The following SLCO1A2 variants were observed in gnomAD, a reference collection of about 807,000 sequenced individuals.
SLCO1A2 encodes the protein solute carrier organic anion transporter family member 1A2.
In SLCO1A2, 67 loss-of-function variants were observed where a neutral mutation model predicts 69.0. That is an observed-to-expected ratio of 0.97 (90% CI 0.80 to 1.19). The LOEUF (loss-of-function observed/expected upper bound fraction) is 1.19, where lower values mean the gene tolerates loss of function less well. Among genes scored for constraint, SLCO1A2 ranks in the 50% most tolerant of loss-of-function variants. The probability of loss-of-function intolerance (pLI) is 0.00; values close to 1 mark genes in which losing one functional copy is unlikely to be tolerated. For missense variants in SLCO1A2, 787 were observed against 793.7 expected (o/e 0.99, Z 0.10); for synonymous variants, 260 against 265.9 (o/e 0.98, Z 0.22).
intron 14 of SLCO1A2, among the ~76,000 whole-genome samples, chr12:21,273,584 A>ACTAT (rs1438227284): frequency 3.3e-5 from 5 of 152,282 alleles, no homozygotes; most frequent in African/African-American, 1.2e-4. Flanking sequence ...AATTCAGGAG[A>ACTAT]CTATCAACAA....
chr12:21,277,062 G>A (rs749756749), intron 12 of SLCO1A2, among the ~76,000 whole-genome samples: 30 of 152,318 alleles, frequency 2.0e-4, no homozygotes, highest in Non-Finnish European at 3.7e-4. Context: ...ACCAGCCAGG[G>A]AAGCTAAGGA....
chr12:21,366,836 A>G (rs1400766430), intron 2 of SLCO1A2, among the ~76,000 whole-genome samples: 1 of 152,040 alleles, frequency 6.6e-6, no homozygotes, highest in Non-Finnish European at 1.5e-5. Flanking sequence ...TAGAAGTTAA[A>G]TAATTAAAGA....
At chr12:21,316,825 A>G (rs867302627) in intron 3 of SLCO1A2, among the ~76,000 whole-genome samples, 24 of 152,312 alleles carry the variant, frequency 1.6e-4, no homozygotes, top group South Asian at 1.0e-3. Context: ...ATAGTTCCCC[A>G]GTGCTTCAGA....
At chr12:21,360,593 C>T (rs1938765403) in intron 2 of SLCO1A2, among the ~76,000 whole-genome samples, 1 of 152,222 alleles carries the variant, frequency 6.6e-6, no homozygotes, top group South Asian at 2.1e-4. Context: ...CAGGGCATTG[C>T]CTCACCCAGG....
At chr12:21,417,684 C>G (rs1388101173) in intron 1 of SLCO1A2, among the ~76,000 whole-genome samples, 2 of 151,906 alleles carry the variant, frequency 1.3e-5, no homozygotes, top group Non-Finnish European at 2.9e-5. Flanking sequence ...CTATATGGAA[C>G]TAATAGACTC....
Position 21,288,547 on chromosome 12 carries a change from A to G in SLCO1A2, c.1610+3617T>C, listed in dbSNP as rs1946333299. 2.0e-5 allele frequency among the ~76,000 whole-genome samples: 3 copies of G among 152,188 alleles called. No individual in the cohort carries two copies. The South Asian group carries it at 6.2e-4, about 31-fold the overall frequency. On this transcript the variant is annotated intron_variant, in intron 12 of 14. Coordinates refer to ENST00000683939, the MANE Select transcript of SLCO1A2 (RefSeq NM_001386879.1). Reference sequence around the variant, plus strand: ...GCCTGGGTGTGGTGGGGAAGTAGAGATAGTTAATAGGTACGAAAAAATGGA... The same window carrying G: ...GCCTGGGTGTGGTGGGGAAGTAGAGGTAGTTAATAGGTACGAAAAAATGGA...
At chr12:21,342,226 T>A (rs1166810238) in intron 2 of SLCO1A2, among the ~76,000 whole-genome samples, 1 of 152,038 alleles carries the variant, frequency 6.6e-6, no homozygotes, top group African/African-American at 2.4e-5. Flanking sequence ...ATCAGTAAAT[T>A]TCATTCACCT....
intron 9 of SLCO1A2, among the ~76,000 whole-genome samples, 166 bp downstream of exon 9, chr12:21,297,230 CTTCTTTCT>C (rs1020608652): frequency 3.3e-5 from 4 of 122,340 alleles, no homozygotes; most frequent in African/African-American, 1.6e-4. Flanking sequence ...TCTTTCCTTC[CTTCTTTCT>C]TTCTTTCTTT....
intron 1 of SLCO1A2, among the ~76,000 whole-genome samples, chr12:21,409,994 GA>G (rs1941881668): frequency 6.6e-6 from 1 of 152,150 alleles, no homozygotes; most frequent in Non-Finnish European, 1.5e-5. Context: ...TTCATTTGGA[GA>G]ATATTTTATT....
chr12:21,378,388 G>A, intron 1 of SLCO1A2: 2 of 1,614,126 alleles, frequency 1.2e-6, no homozygotes, highest in Non-Finnish European at 1.7e-6. Flanking sequence ...TGCAGTAGAG[G>A]TTTTAAAGAG....
intron 5 of SLCO1A2, among the ~76,000 whole-genome samples, chr12:21,306,538 G>C (rs1018536978): frequency 2.6e-5 from 4 of 152,068 alleles, no homozygotes; most frequent in Non-Finnish European, 5.9e-5. Flanking sequence ...TGTTGGCCAG[G>C]CTGGTCTCGA....
intron 1 of SLCO1A2, among the ~76,000 whole-genome samples, chr12:21,404,548 C>T (rs1941791212): frequency 6.6e-6 from 1 of 152,136 alleles, no homozygotes; most frequent in Admixed American, 6.6e-5. Flanking sequence ...CATCCATGTC[C>T]CTGCAAAGGA....
intron 1 of SLCO1A2, among the ~76,000 whole-genome samples, chr12:21,413,504 A>C (rs1941945096): frequency 1.3e-5 from 2 of 151,848 alleles, no homozygotes; most frequent in South Asian, 4.2e-4. Context: ...GGCCTCCCAA[A>C]GCGTGGCAGT....
At chr12:21,320,659 C>T (rs11045968) in intron 2 of SLCO1A2, among the ~76,000 whole-genome samples, 10,997 of 151,922 alleles carry the variant, frequency 0.072, 690 homozygotes, top group East Asian at 0.35. Flanking sequence ...CCACCATGAC[C>T]GGTTAGCTTT....
At chr12:21,327,092 T>C (rs1047085401) in intron 2 of SLCO1A2, among the ~76,000 whole-genome samples, 6 of 152,114 alleles carry the variant, frequency 3.9e-5, no homozygotes, top group Admixed American at 1.3e-4. Context: ...GACTTGGTGC[T>C]CTGGGTCCCA....
intron 1 of SLCO1A2, among the ~76,000 whole-genome samples, chr12:21,408,713 CG>C (rs1941861906): frequency 6.7e-6 from 1 of 150,178 alleles, no homozygotes; most frequent in Admixed American, 6.6e-5. Context: ...TCAGCGCATG[CG>C]TGTGTGTGTG....
chr12:21,272,088 T>C (rs1185530949), intron 14 of SLCO1A2, among the ~76,000 whole-genome samples: 1 of 151,572 alleles, frequency 6.6e-6, no homozygotes, highest in Non-Finnish European at 1.5e-5. Context: ...TGGGAATTTT[T>C]TATTATAGAC....
At chr12:21,384,346 C>A (rs1445563011) in intron 1 of SLCO1A2, among the ~76,000 whole-genome samples, 2 of 152,148 alleles carry the variant, frequency 1.3e-5, no homozygotes, top group Non-Finnish European at 2.9e-5. Flanking sequence ...AGATACCTTC[C>A]CTGCTCCAAT....
At chr12:21,409,652 G>A (rs764436777) in intron 1 of SLCO1A2, among the ~76,000 whole-genome samples, 5 of 152,094 alleles carry the variant, frequency 3.3e-5, no homozygotes, top group Non-Finnish European at 7.4e-5. Context: ...GGGACCTATG[G>A]CTAAATGGAT....
Sources: gnomAD v4.1 joint callset for allele counts (sites outside exome capture counted in the v4.1 genomes callset) on GRCh38, gnomAD v4.1.1 for gene constraint, MANE v1.5 for transcripts, NCBI Gene and HGNC (gene_info 2026-07-23, HGNC 2026-07-21) for gene names.